BCKDHB: variants seen among roughly 807,000 people sequenced by gnomAD.
BCKDHB encodes the protein 2-oxoisovalerate dehydrogenase subunit beta, mitochondrial.
BCKDHB carries 41 observed loss-of-function variants against 48.5 expected under a neutral mutation model. That is an observed-to-expected ratio of 0.85 (90% CI 0.66 to 1.10). The LOEUF (loss-of-function observed/expected upper bound fraction) is 1.10, where lower values mean the gene tolerates loss of function less well. BCKDHB is among the 50% of genes least tolerant of loss of function. The pLI, the probability that BCKDHB is intolerant of heterozygous loss-of-function variation, is 0.00. For missense variants in BCKDHB, 496 were observed against 494.2 expected (o/e 1.00, Z -0.03); for synonymous variants, 201 against 174.8 (o/e 1.15, Z -1.18).
chr6:80,321,358 A>G (rs1458988828), intron 9 of BCKDHB, among the ~76,000 whole-genome samples: 1 of 152,230 alleles, frequency 6.6e-6, no homozygotes, highest in Non-Finnish European at 1.5e-5. Flanking sequence ...TCTACTGAAT[A>G]ACCTGTAGTG....
At chr6:80,115,246 C>T (rs1231039511) in intron 1 of BCKDHB, among the ~76,000 whole-genome samples, 1 of 152,062 alleles carries the variant, frequency 6.6e-6, no homozygotes, top group Non-Finnish European at 1.5e-5. Flanking sequence ...CTCCTGGGCT[C>T]AAGTGATCCT....
At chr6:80,322,896 C>CTTTTTTTTTTTTTTT (rs34177726) in intron 9 of BCKDHB, among the ~76,000 whole-genome samples, 1 of 115,566 alleles carries the variant, frequency 8.7e-6, no homozygotes, top group Non-Finnish European at 1.8e-5. Context: ...TTTCTTTTTT[C>CTTTTTTTTTTTTTTT]TTTTTTTTTT....
At chr6:80,291,777 G>A (rs1000708991) in intron 9 of BCKDHB, among the ~76,000 whole-genome samples, 1 of 152,098 alleles carries the variant, frequency 6.6e-6, no homozygotes, top group Non-Finnish European at 1.5e-5. Flanking sequence ...AATAACAAGT[G>A]TACCACAGTT....
At chr6:80,146,449 T>C (rs1192747504) in intron 3 of BCKDHB, among the ~76,000 whole-genome samples, 1 of 152,170 alleles carries the variant, frequency 6.6e-6, no homozygotes, top group Non-Finnish European at 1.5e-5. Context: ...AAAGAAGCAA[T>C]TGAACATAGG....
the BCKDHB span, among the ~76,000 whole-genome samples, chr6:80,408,191 C>G: frequency 6.6e-6 from 1 of 152,212 alleles, no homozygotes; most frequent in South Asian, 2.1e-4. Context: ...GGCTTGCATC[C>G]CAGGTATGAA....
At chr6:80,405,523 A>C in the BCKDHB span, among the ~76,000 whole-genome samples, 2 of 152,062 alleles carry the variant, frequency 1.3e-5, no homozygotes, top group East Asian at 3.9e-4. Flanking sequence ...ATACACTTAC[A>C]TTTAAATTAA....
chr6:80,109,082 G>A lies in BCKDHB; in HGVS notation c.196+2193G>A, dbSNP rs536516257. 2.6e-5 allele frequency among the ~76,000 whole-genome samples: 4 copies of A among 152,272 alleles called. No homozygotes were observed. The South Asian group carries it at 8.3e-4, about 32-fold the overall frequency. ...TAGAAGAACTGTTCCATGGAGTAGA[G>A]ATGCTACAAGTCTTTTACAAGTTAA... On this transcript the variant is annotated intron_variant, in intron 1 of 9. Coordinates refer to ENST00000320393, the MANE Select transcript of BCKDHB (RefSeq NM_183050.4).
chr6:80,342,174 G>C (rs530187013), intron 9 of BCKDHB, among the ~76,000 whole-genome samples: 1 of 151,980 alleles, frequency 6.6e-6, no homozygotes, highest in East Asian at 1.9e-4. Flanking sequence ...AATCACACAG[G>C]GGGTAGGGAT....
chr6:80,408,520 G>T, the BCKDHB span, among the ~76,000 whole-genome samples: 1 of 151,940 alleles, frequency 6.6e-6, no homozygotes, highest in African/African-American at 2.4e-5. Context: ...ATTAATTATT[G>T]CCTCAATTTC....
At chr6:80,351,172 C>A (rs899316237), downstream of BCKDHB, among the ~76,000 whole-genome samples, 3 of 152,148 alleles carry the variant, frequency 2.0e-5, no homozygotes, top group East Asian at 1.9e-4. Flanking sequence ...CAGAAAGAGT[C>A]CTTCATATAG....
chr6:80,242,170 T>A (rs1401837701), intron 8 of BCKDHB, among the ~76,000 whole-genome samples: 1 of 152,188 alleles, frequency 6.6e-6, no homozygotes, highest in East Asian at 1.9e-4. Context: ...TTGAATAGTT[T>A]TAAAGTTTTA....
chr6:80,351,854 T>C, the BCKDHB span, among the ~76,000 whole-genome samples: 1 of 147,566 alleles, frequency 6.8e-6, no homozygotes, highest in African/African-American at 2.5e-5. Context: ...GGAGTTTCGC[T>C]CTTGTTGCCC....
the BCKDHB span, among the ~76,000 whole-genome samples, chr6:80,393,073 A>T: frequency 6.6e-6 from 1 of 152,208 alleles, no homozygotes; most frequent in East Asian, 1.9e-4. Flanking sequence ...ATCAATCGGT[A>T]TTTAATATTT....
At chr6:80,431,370 A>G in the BCKDHB span, among the ~76,000 whole-genome samples, 1 of 152,172 alleles carries the variant, frequency 6.6e-6, no homozygotes, top group Non-Finnish European at 1.5e-5. Flanking sequence ...AGTCCTGAAT[A>G]TCCTTGTTAA....
chr6:80,174,057 A>G (rs1773038723), intron 6 of BCKDHB, among the ~76,000 whole-genome samples: 2 of 152,148 alleles, frequency 1.3e-5, no homozygotes, highest in Non-Finnish European at 2.9e-5. Flanking sequence ...GACAATTTCT[A>G]AGTGGTAGTA....
At chr6:80,445,584 C>G in the BCKDHB span, among the ~76,000 whole-genome samples, 1 of 152,094 alleles carries the variant, frequency 6.6e-6, no homozygotes, top group Non-Finnish European at 1.5e-5. Flanking sequence ...TTTCAACACT[C>G]CATAGAATGC....
chr6:80,440,902 A>G, the BCKDHB span: 1 of 152,172 alleles, frequency 6.6e-6, no homozygotes, highest in Non-Finnish European at 1.5e-5. Flanking sequence ...CAAGAGAGCC[A>G]GGATTAAATT....
Position 80,241,239 on chromosome 6 carries a change from A to T in BCKDHB, c.952-31896A>T, listed in dbSNP as rs570378807. On this transcript the variant is annotated intron_variant, in intron 8 of 9. Transcript: ENST00000320393. Reference sequence around the variant, plus strand: ...AAGTTTGTTATTACTGATCTTCTGAAGCCTACTTCTGTCAACTCGTCAAAG... The same window carrying T: ...AAGTTTGTTATTACTGATCTTCTGATGCCTACTTCTGTCAACTCGTCAAAG... 1.8e-4 allele frequency among the ~76,000 whole-genome samples: 28 copies of T among 152,270 alleles called. No individual in the cohort carries two copies. In the East Asian group the frequency reaches 5.0e-3, roughly 27 times the overall value.
At chr6:80,224,382 G>T (rs865949587) in intron 8 of BCKDHB, among the ~76,000 whole-genome samples, 7 of 151,874 alleles carry the variant, frequency 4.6e-5, no homozygotes, top group Admixed American at 1.3e-4. Flanking sequence ...ATCTATAAAA[G>T]AGAGATTTTT....
Sources: gnomAD v4.1 joint callset for allele counts (sites outside exome capture counted in the v4.1 genomes callset) on GRCh38, gnomAD v4.1.1 for gene constraint, MANE v1.5 for transcripts, NCBI Gene and HGNC (gene_info 2026-07-23, HGNC 2026-07-21) for gene names.